The following LINGO2 variants were observed in gnomAD, a reference collection of about 807,000 sequenced individuals.
The protein encoded by LINGO2 is leucine-rich repeat and immunoglobulin-like domain-containing nogo receptor-interacting protein 2.
In LINGO2, 14 loss-of-function variants were observed where a neutral mutation model predicts 30.6. The ratio of observed to expected loss-of-function variants is 0.46; its 90% CI spans 0.30 to 0.72. LINGO2 has a LOEUF of 0.72. Ranked by LOEUF, LINGO2 falls within the 30% of genes least tolerant of loss-of-function variation. The pLI, the probability that LINGO2 is intolerant of heterozygous loss-of-function variation, is 0.07. For synonymous variants in LINGO2, 317 were observed against 288.5 expected, an observed-to-expected ratio of 1.10 and a Z score of -1.00; for missense variants, 729 against 751.7, an observed-to-expected ratio of 0.97 and a Z score of 0.35.
chr9:28,049,412 A>ATAT (rs1824569073), intron 4 of LINGO2, among the ~76,000 whole-genome samples: 1 of 150,556 alleles, frequency 6.6e-6, no homozygotes, highest in Non-Finnish European at 1.5e-5. Context: ...AATAAAACAT[A>ATAT]TTAGATCTTA....
At chr9:28,038,519 C>T (rs907009056) in intron 4 of LINGO2, among the ~76,000 whole-genome samples, 3 of 152,034 alleles carry the variant, frequency 2.0e-5, no homozygotes, top group African/African-American at 7.2e-5. Flanking sequence ...CGGTGAAACC[C>T]AGTCTCTACT....
chr9:28,371,961 C>T (rs7855297), intron 3 of LINGO2, among the ~76,000 whole-genome samples: 7 of 151,954 alleles, frequency 4.6e-5, no homozygotes, highest in African/African-American at 1.7e-4. Flanking sequence ...GGTAGGGTTG[C>T]GAATCTGTTG....
intron 3 of LINGO2, among the ~76,000 whole-genome samples, chr9:28,321,195 A>C (rs1401285513): frequency 6.6e-6 from 1 of 152,182 alleles, no homozygotes; most frequent in Non-Finnish European, 1.5e-5. Flanking sequence ...TTTCTCCATA[A>C]CTATCTTGAG....
At chr9:28,361,366 A>T in intron 3 of LINGO2, among the ~76,000 whole-genome samples, 1 of 152,144 alleles carries the variant, frequency 6.6e-6, no homozygotes, top group East Asian at 1.9e-4. Context: ...GTTCGATATT[A>T]TCTGTGGCCA....
the LINGO2 span, among the ~76,000 whole-genome samples, chr9:28,727,115 T>C: frequency 6.6e-6 from 1 of 152,082 alleles, no homozygotes; most frequent in African/African-American, 2.4e-5. Flanking sequence ...CACACTAACA[T>C]AGATATAAAA....
At chr9:28,223,482 T>G (rs1221347495) in intron 4 of LINGO2, among the ~76,000 whole-genome samples, 2 of 152,234 alleles carry the variant, frequency 1.3e-5, no homozygotes, top group Admixed American at 6.5e-5. Flanking sequence ...AGAGTTACAC[T>G]GGCCATTAAG....
chr9:29,200,475 T>C, the LINGO2 span, among the ~76,000 whole-genome samples: 1 of 152,098 alleles, frequency 6.6e-6, no homozygotes, highest in Non-Finnish European at 1.5e-5. Context: ...AGATCAAATA[T>C]TCAAAATAAA....
the LINGO2 span, among the ~76,000 whole-genome samples, chr9:28,778,154 C>T: frequency 6.6e-6 from 1 of 152,078 alleles, no homozygotes; most frequent in African/African-American, 2.4e-5. Context: ...GCAAGCAGTT[C>T]CTTCATTGGG....
the LINGO2 span, among the ~76,000 whole-genome samples, chr9:28,757,737 C>T: frequency 1.3e-5 from 2 of 151,852 alleles, no homozygotes; most frequent in Non-Finnish European, 2.9e-5. Context: ...CCCCTGGAGT[C>T]CAGGGGTGGG....
At chr9:27,949,810 T>G (rs774002246) in exon 6 of LINGO2, 1 of 1,614,060 alleles carries the variant, frequency 6.2e-7, no homozygotes, top group Non-Finnish European at 8.5e-7. Context: ...CCTGCTTCAA[T>G]AGTGCTGATG....
the LINGO2 span, among the ~76,000 whole-genome samples, chr9:28,924,827 G>T: frequency 6.6e-6 from 1 of 152,150 alleles, no homozygotes; most frequent in African/African-American, 2.4e-5. Context: ...TCCTCTTGAT[G>T]AAGTGACCTC....
intron 3 of LINGO2, among the ~76,000 whole-genome samples, chr9:28,303,592 C>A (rs1451852972): frequency 6.6e-6 from 1 of 152,062 alleles, no homozygotes; most frequent in African/African-American, 2.4e-5. Context: ...TGTAACATAA[C>A]AGTAGATTAA....
chr9:28,241,267 C>CAAAAAAAAAAAAAAAAAA (rs1164724626), intron 4 of LINGO2, among the ~76,000 whole-genome samples: 1 of 83,606 alleles, frequency 1.2e-5, no homozygotes, highest in Non-Finnish European at 2.3e-5. Flanking sequence ...GACCCTGTCT[C>CAAAAAAAAAAAAAAAAAA]AAAAAAAAAA....
chr9:28,452,906 C>T (rs1353710594), intron 2 of LINGO2, among the ~76,000 whole-genome samples: 1 of 151,744 alleles, frequency 6.6e-6, no homozygotes, highest in Admixed American at 6.6e-5. Context: ...AGTCATAGTT[C>T]TTGTATATCT....
chr9:28,646,934 T>C (rs184077150), intron 1 of LINGO2, among the ~76,000 whole-genome samples: 2 of 152,134 alleles, frequency 1.3e-5, no homozygotes, highest in African/African-American at 2.4e-5. Context: ...ACCGAATGCA[T>C]TGAGAACATA....
At chr9:28,722,363 A>G in the LINGO2 span, among the ~76,000 whole-genome samples, 2 of 152,090 alleles carry the variant, frequency 1.3e-5, no homozygotes, top group South Asian at 2.1e-4. Flanking sequence ...ACTTTCAACT[A>G]TATATTTCTG....
chr9:29,030,162 T>A, the LINGO2 span, among the ~76,000 whole-genome samples: 1 of 151,962 alleles, frequency 6.6e-6, no homozygotes, highest in Admixed American at 6.6e-5. Flanking sequence ...TAAACATATA[T>A]AATAATACTT....
the LINGO2 span, among the ~76,000 whole-genome samples, chr9:29,201,001 G>A: frequency 2.6e-5 from 4 of 151,962 alleles, no homozygotes; most frequent in African/African-American, 9.7e-5. Context: ...TCAAGGGTAC[G>A]TTCTATCACT....
chr9:28,561,657 AATAT>A (rs1359863538), intron 1 of LINGO2, among the ~76,000 whole-genome samples: 1 of 135,262 alleles, frequency 7.4e-6, no homozygotes, highest in Non-Finnish European at 1.6e-5. Context: ...ATATATGTAT[AATAT>A]ATATAAATTA....
Sources: allele counts gnomAD v4.1 joint callset (sites outside exome capture counted in the v4.1 genomes callset), GRCh38; gene constraint gnomAD v4.1.1; transcripts MANE v1.5; gene names NCBI Gene and HGNC (gene_info 2026-07-23, HGNC 2026-07-21).